The following PUDP variants were observed in gnomAD, a reference collection of about 807,000 sequenced individuals.
The protein encoded by PUDP is pseudouridine 5'-phosphatase, also known as pseudouridine-5'-phosphatase.
PUDP carries 8 observed loss-of-function variants against 9.4 expected under a neutral mutation model. The ratio of observed to expected loss-of-function variants is 0.85; its 90% CI spans 0.50 to 1.53. The LOEUF (loss-of-function observed/expected upper bound fraction) is 1.53. Among genes scored for constraint, PUDP ranks in the 40% most tolerant of loss-of-function variants. PUDP has a pLI of 0.00. For missense variants in PUDP, 188 were observed against 189.7 expected (o/e 0.99, Z 0.05); for synonymous variants, 99 against 80.7 (o/e 1.23, Z -1.22).
At chrX:6,786,022 G>A (rs1003354013) in intron 3 of PUDP, among the ~76,000 whole-genome samples, 1 of 111,249 alleles carries the variant, frequency 9.0e-6, no homozygotes, top group African/African-American at 3.3e-5. Context: ...CAACTATTAT[G>A]TAAGGTCTCC....
At chrX:7,093,764 A>G (rs1020710834) in intron 2 of PUDP, among the ~76,000 whole-genome samples, 2 of 111,572 alleles carry the variant, frequency 1.8e-5, no homozygotes, top group African/African-American at 6.5e-5. Context: ...TCATTATCCT[A>G]TACTCCTAAA....
At chrX:6,751,402 G>A (rs1457706120) in intron 3 of PUDP, among the ~76,000 whole-genome samples, 1 of 111,471 alleles carries the variant, frequency 9.0e-6, no homozygotes, top group Non-Finnish European at 1.9e-5. Flanking sequence ...AGAAATCACA[G>A]TAGCTGGAAA....
At chrX:6,970,880 G>A (rs1053003938) in intron 3 of PUDP, among the ~76,000 whole-genome samples, 5 of 109,748 alleles carry the variant, frequency 4.6e-5, no homozygotes, top group Non-Finnish European at 9.5e-5. Flanking sequence ...GTGAAACCCC[G>A]TCTCTACTAA....
intron 3 of PUDP, among the ~76,000 whole-genome samples, chrX:7,053,762 C>T (rs1209131500): frequency 9.0e-6 from 1 of 111,346 alleles, no homozygotes; most frequent in Non-Finnish European, 1.9e-5. Context: ...CCATGGTGTC[C>T]CTTCACACCT....
chrX:7,144,345 C>T (rs1018338288), intron 1 of PUDP, among the ~76,000 whole-genome samples: 2 of 112,233 alleles, frequency 1.8e-5, no homozygotes, highest in Admixed American at 9.5e-5. Flanking sequence ...GCTAATATTA[C>T]GTAAGAAAAA....
intron 1 of PUDP, among the ~76,000 whole-genome samples, chrX:7,000,246 CAAACTT>C (rs970319816): frequency 2.7e-5 from 3 of 111,368 alleles, no homozygotes; most frequent in Admixed American, 9.5e-5. Context: ...TCTACACCAA[CAAACTT>C]AAACTTAAAT....
chrX:6,789,976 CATAGAGATAG>C (rs1211579433), intron 3 of PUDP, among the ~76,000 whole-genome samples: 1 of 48,764 alleles, frequency 2.1e-5, no homozygotes, highest in African/African-American at 7.7e-5. Flanking sequence ...ATAAATAGAT[CATAGAGATAG>C]ATAGAGTAGA....
At chrX:6,960,025 A>G (rs887614893) in intron 3 of PUDP, among the ~76,000 whole-genome samples, 5 of 112,486 alleles carry the variant, frequency 4.4e-5, no homozygotes, top group African/African-American at 1.6e-4. Flanking sequence ...GAGGCTCACA[A>G]CTGAGAGAAA....
chrX:6,837,994 A>C (rs1290374984), intron 3 of PUDP, among the ~76,000 whole-genome samples: 1 of 111,881 alleles, frequency 8.9e-6, no homozygotes, highest in Non-Finnish European at 1.9e-5. Flanking sequence ...ATGATGTGCT[A>C]GGTTCTCATT....
Position 6,822,802 on chromosome X carries a change from C to T in PUDP, c.*248-116336G>A, listed in dbSNP as rs778454269. The stretch of plus-strand genomic sequence containing the variant: ...TTCTGTACAGATTATTTCATCACGC[C>T]GGTATTAAGCCCAGTACCCAACAGT... On this transcript the variant is annotated intron_variant and NMD_transcript_variant, in intron 3 of 3. Coordinates refer to the PUDP transcript ENST00000655425. 7.5e-4 allele frequency among the ~76,000 whole-genome samples: 82 copies of T among 108,874 alleles called. 1 individual carries two copies. Among genetic ancestry groups the T allele is most frequent in the African/African-American group, 2.5e-3 (76 of 29,895 alleles). 94.5% of individuals were successfully genotyped at this position (108,874 alleles called of 115,157 possible). A position where few individuals can be genotyped will look rare whatever the true frequency, so the allele number is the denominator to read the frequency against.
At position 7,122,034 on chromosome X, in the gene PUDP, A is replaced by G. The variant is rs762610426; in HGVS notation, c.62-16196T>C. 6.3e-5 allele frequency among the ~76,000 whole-genome samples: 7 copies of G among 111,402 alleles called. No homozygotes were observed. In the South Asian group the frequency reaches 1.1e-3, roughly 18 times the overall value. ...GACCCTGTCTCTACAAAAAACATTTAAAAATTAGCTGGGTGTGGTAGCATG... is the reference window on the plus strand; with the variant it reads ...GACCCTGTCTCTACAAAAAACATTTGAAAATTAGCTGGGTGTGGTAGCATG... On this transcript the variant is annotated intron_variant, in intron 1 of 3. Transcript: ENST00000381077.
At chrX:7,007,996 C>T (rs1044594132) in intron 1 of PUDP, among the ~76,000 whole-genome samples, 5 of 109,907 alleles carry the variant, frequency 4.5e-5, no homozygotes, top group African/African-American at 1.3e-4. Flanking sequence ...TGGAGTCTTG[C>T]TCTGTTGCCC....
chrX:7,147,352 G>A (rs1932888292), intron 1 of PUDP, among the ~76,000 whole-genome samples: 1 of 111,393 alleles, frequency 9.0e-6, no homozygotes, highest in African/African-American at 3.3e-5. Context: ...ACTGTTGACG[G>A]CGCGGGATAA....
intron 3 of PUDP, among the ~76,000 whole-genome samples, chrX:6,729,826 CCT>C (rs1206610172): frequency 9.0e-6 from 1 of 111,180 alleles, no homozygotes; most frequent in Non-Finnish European, 1.9e-5. Context: ...CCCCTTTTAC[CCT>C]CTCTCTCTTA....
intron 1 of PUDP, among the ~76,000 whole-genome samples, chrX:7,002,907 C>A (rs147290264): frequency 9.1e-6 from 1 of 110,316 alleles, no homozygotes; most frequent in African/African-American, 3.3e-5. Context: ...CACCAAGGAG[C>A]CCCGGAAAGC....
At chrX:6,870,493 T>C (rs1291421586) in intron 3 of PUDP, among the ~76,000 whole-genome samples, 2 of 111,889 alleles carry the variant, frequency 1.8e-5, no homozygotes, top group Non-Finnish European at 1.9e-5. Flanking sequence ...CCATGTAAGA[T>C]GTGACTTGCT....
intron 1 of PUDP, among the ~76,000 whole-genome samples, chrX:7,027,747 CTA>C (rs1195213273): frequency 1.6e-4 from 15 of 94,972 alleles, no homozygotes; most frequent in South Asian, 9.5e-4. Context: ...TATATATAGA[CTA>C]TATATATAGA....
intron 1 of PUDP, among the ~76,000 whole-genome samples, chrX:7,026,380 T>C (rs975425486): frequency 1.8e-5 from 2 of 112,363 alleles, no homozygotes; most frequent in Non-Finnish European, 3.8e-5. Context: ...GAAACGCCAC[T>C]ATCCCTGCTC....
At chrX:7,111,269 G>C (rs1343602994) in intron 1 of PUDP, among the ~76,000 whole-genome samples, 9 of 110,877 alleles carry the variant, frequency 8.1e-5, no homozygotes, top group African/African-American at 1.3e-4. Context: ...CTTTATAGCA[G>C]TGTGAGAACA....
Sources: allele counts gnomAD v4.1 joint callset (sites outside exome capture counted in the v4.1 genomes callset), GRCh38; gene constraint gnomAD v4.1.1; transcripts MANE v1.5; gene names NCBI Gene and HGNC (gene_info 2026-07-23, HGNC 2026-07-21).